Variants in SIVA1 observed in about 807,000 individuals in gnomAD.
SIVA1 encodes apoptosis regulatory protein Siva.
Under a neutral mutation model 19.7 loss-of-function variants are expected in SIVA1, and 10 were observed. That is an observed-to-expected ratio of 0.51 (90% CI 0.31 to 0.86). The LOEUF (loss-of-function observed/expected upper bound fraction) is 0.86, where lower values mean the gene tolerates loss of function less well. Among genes scored for constraint, SIVA1 ranks in the 40% least tolerant of loss-of-function variants. SIVA1 has a pLI of 0.04. For synonymous variants in SIVA1, 130 were observed against 106.1 expected (o/e 1.23, Z -1.39); for missense variants, 241 against 245.2 (o/e 0.98, Z 0.11).
chr14:104,753,373 C>G (rs1307693334), intron 1 of SIVA1, 54 bp downstream of exon 1: 4 of 1,220,600 alleles, frequency 3.3e-6, no homozygotes, highest in Admixed American at 2.1e-5. Flanking sequence ...TGGAACGGGC[C>G]GGGCCTCAGC....
At chr14:104,753,728 C>G (rs1337944294) in intron 1 of SIVA1, 1 of 449,216 alleles carries the variant, frequency 2.2e-6, no homozygotes, top group Non-Finnish European at 4.5e-6. Flanking sequence ...CCCCTCCTGT[C>G]CCAAGAGGTA....
intron 3 of SIVA1, chr14:104,757,293 A>T (rs1318541213): frequency 9.0e-6 from 4 of 443,460 alleles, no homozygotes; most frequent in Admixed American, 4.9e-5. Flanking sequence ...CACCTGGTGG[A>T]TGGGAGTGGA....
At chr14:104,757,420 T>C in intron 3 of SIVA1, 1 of 284,364 alleles carries the variant, frequency 3.5e-6, no homozygotes, top group South Asian at 2.7e-5. Context: ...AAATTGTCCA[T>C]CTAAAATAGA....
At chr14:104,754,561 G>A (rs1303348977) in intron 1 of SIVA1, among the ~76,000 whole-genome samples, 1 of 152,178 alleles carries the variant, frequency 6.6e-6, no homozygotes, top group African/African-American at 2.4e-5. Flanking sequence ...GGCGTTGGCA[G>A]GTGTGTGCCA....
At chr14:104,756,544 G>A (rs940955614) in intron 2 of SIVA1, 60 bp from the exon 3 acceptor site, 36 of 1,601,364 alleles carry the variant, frequency 2.2e-5, no homozygotes, top group African/African-American at 1.9e-4. Context: ...CAGGTAGCCC[G>A]GCAGTCCCGG....
chr14:104,757,394 G>A (rs1361735925), intron 3 of SIVA1: 1 of 323,826 alleles, frequency 3.1e-6, no homozygotes, highest in South Asian at 2.2e-5. Context: ...AGCAAGCTTA[G>A]TCCAAACAAT....
chr14:104,755,932 A>G, intron 2 of SIVA1, 108 bp downstream of exon 2: 1 of 1,067,498 alleles, frequency 9.4e-7, no homozygotes, highest in Admixed American at 2.0e-5. Flanking sequence ...GGTAAGCAGG[A>G]CTCTGACCCA....
At position 104,755,700 on chromosome 14, in the gene SIVA1, C is replaced by G. The variant is rs1132975; in HGVS notation, c.189C>G (p.Ala63=). The G allele has an allele frequency of 1.2e-6, 2 of 1,613,776 alleles. No individual in the cohort carries two copies. Among genetic ancestry groups the G allele is most frequent in the Non-Finnish European group, 1.7e-6 (2 of 1,179,906 alleles). The change falls in exon 2 of 4, where the codon GCC becomes GCG. Residue 63 remains alanine, a synonymous_variant. Transcript: ENST00000329967. ...YLDHVWDEGC[A]VVHLPESPKP... is the part of the protein sequence containing the mutation. ...ACCACGTGTGGGATGAAGGCTGTGCCGTCGTTCACCTGCCAGAGTCCCCAA... is the reference window on the plus strand; with the variant it reads ...ACCACGTGTGGGATGAAGGCTGTGCGGTCGTTCACCTGCCAGAGTCCCCAA...
In SIVA1 at chr14:104,755,648, T is replaced by C; in HGVS notation, c.137T>C (p.Leu46Pro). 6 of 1,612,850 alleles carry C rather than the reference T, an allele frequency of 3.7e-6. No individual in the cohort carries two copies. Among genetic ancestry groups the C allele is most frequent in the Non-Finnish European group, 4.2e-6 (5 of 1,179,760 alleles). The stretch of plus-strand genomic sequence containing the variant: ...CCCCCAGAGAAGACCAAGCGACTCC[T>C]GTTCCTCGGGGCCCAGGCCTACCTG... Reference protein sequence around the residue: ...QEVFEKTKRLLFLGAQAYLDH... With the variant: ...QEVFEKTKRLPFLGAQAYLDH... Residue 46 changes from leucine to proline, a missense_variant, in exon 2 of 4, where the codon CTG (leucine) becomes CCG (proline). Physicochemically the swap from Leu to Pro is moderately conservative, Grantham distance 98. Transcript: ENST00000329967.
In SIVA1 at chr14:104,759,113, C is replaced by A; in HGVS notation, c.471-315C>A. The A allele has an allele frequency of 4.3e-6, 1 of 232,754 alleles. No homozygotes were observed. The allele number at this position is 232,754 out of a possible 1,614,324, so 14.4% of individuals were successfully genotyped here. Reference sequence around the variant, plus strand: ...GCTGCAATGGAAAACCTGTCCTGGCCTCTCTCCTGGCATCTGCTGGTTATC... The same window carrying A: ...GCTGCAATGGAAAACCTGTCCTGGCATCTCTCCTGGCATCTGCTGGTTATC... On this transcript the variant is annotated intron_variant, in intron 3 of 3. Coordinates refer to ENST00000329967, the MANE Select transcript of SIVA1 (RefSeq NM_006427.4). This position sits in a 1 kb window ranked among gnomAD's most constrained non-coding sequence, Gnocchi z 4.2.
rs1891765028 is a variant in SIVA1, at chr14:104,753,236, C to T, written c.35C>T (p.Ala12Val). 1.9e-6 allele frequency: 3 copies of T among 1,588,612 alleles called. No homozygotes were observed. The highest frequency in any genetic ancestry group is 1.4e-5 in the African/African-American group (1 of 73,212). ...PKRSCPFADVAPLQLKVRVSQ... is the reference protein window; with the variant it reads ...PKRSCPFADVVPLQLKVRVSQ... ...CGGAGCTGCCCCTTCGCGGACGTGG[C>T]CCCGCTACAGCTCAAGGTCCGCGTG... is the stretch of plus-strand genomic sequence containing the variant. The change falls in exon 1 of 4, where the codon GCC (alanine) becomes GTC (valine). Residue 12 changes from alanine to valine, a missense_variant. By Grantham distance (64) the Ala-to-Val change is moderately conservative. Transcript: ENST00000329967.
chr14:104,759,566 C>T lies in SIVA1; in HGVS notation c.*81C>T. The T allele has an allele frequency of 2.4e-6, 3 of 1,227,374 alleles. No homozygotes were observed. The highest frequency in any genetic ancestry group is 3.5e-6 in the Non-Finnish European group (3 of 846,666). The allele number at this position is 1,227,374 out of a possible 1,614,324, so 76.0% of individuals were successfully genotyped here. On this transcript the variant is annotated 3_prime_UTR_variant, in exon 4 of 4. Transcript: ENST00000329967. The surrounding 1 kb of genome is among the most constrained non-coding windows in gnomAD (Gnocchi z 4.2). ...CCTGGACGAGCGCTCGGTGTTCACACTGAACTGTGGGGTCGACGGGAGGGG... is the reference window on the plus strand; with the variant it reads ...CCTGGACGAGCGCTCGGTGTTCACATTGAACTGTGGGGTCGACGGGAGGGG...
intron 1 of SIVA1, chr14:104,753,961 G>A (rs975780437): frequency 5.1e-5 from 16 of 313,872 alleles, no homozygotes; most frequent in African/African-American, 2.6e-4. Flanking sequence ...AATCCTGTGG[G>A]GGCGAGTAGG....
intron 3 of SIVA1, chr14:104,758,215 C>G (rs892007273): frequency 1.4e-4 from 22 of 152,342 alleles, no homozygotes; most frequent in Non-Finnish European, 2.9e-4. Flanking sequence ...CTTTGGCGTC[C>G]TGCTGATGGC....
Position 104,756,366 on chromosome 14 carries a change from A to AT in SIVA1, c.314-238_314-237insT. ...GGTAGCAGAGGGACCTGGTAAGGGA[A>AT]AGAGCACTGAACTTGGAGTCAACTA... On this transcript the variant is annotated intron_variant, in intron 2 of 3. Coordinates refer to ENST00000329967, the MANE Select transcript of SIVA1 (RefSeq NM_006427.4). The AT allele has an allele frequency of 6.9e-6, 4 of 581,626 alleles. No individual in the cohort carries two copies. In the South Asian group the frequency reaches 8.0e-5, roughly 12 times the overall value. The allele number at this position is 581,626 out of a possible 1,614,324, so 36.0% of individuals were successfully genotyped here. A position where few individuals can be genotyped will look rare whatever the true frequency, so the allele number is the denominator to read the frequency against.
Position 104,753,332 on chromosome 14 carries a change from C to A in SIVA1, c.118+13C>A. ...CAGGAGGTCTTCGGTGAGTGTCGGG[C>A]GGGCTGCCGAGGGTCCGCTGCGTCG... is the stretch of plus-strand genomic sequence containing the variant. On this transcript the variant is annotated intron_variant, in intron 1 of 3. Coordinates refer to ENST00000329967, the MANE Select transcript of SIVA1 (RefSeq NM_006427.4). The A allele has an allele frequency of 6.4e-7, 1 of 1,567,572 alleles. No homozygotes were observed.
In SIVA1 at chr14:104,753,177, C is replaced by A; in HGVS notation, c.-25C>A. Reference sequence around the variant, plus strand: ...TGGTAAGGGGCTGGCGGCCGGGGAGCTGCGTAGCTCCCGGCCCCGCGGCCA... The same window carrying A: ...TGGTAAGGGGCTGGCGGCCGGGGAGATGCGTAGCTCCCGGCCCCGCGGCCA... On this transcript the variant is annotated 5_prime_UTR_variant, in exon 1 of 4. The change creates a new upstream start codon in the 5' untranslated region. Transcript: ENST00000329967. 6.8e-7 allele frequency: 1 copy of A among 1,461,708 alleles called. No homozygotes were observed. 90.5% of individuals were successfully genotyped at this position (1,461,708 alleles called of 1,614,324 possible).
In SIVA1 at chr14:104,755,680, G is replaced by C. The variant is rs138681592; in HGVS notation, c.169G>C (p.Val57Leu). The C allele has an allele frequency of 1.4e-5, 22 of 1,613,900 alleles. No individual in the cohort carries two copies. Among genetic ancestry groups the C allele is most frequent in the Non-Finnish European group, 1.9e-5 (22 of 1,180,006 alleles). The change falls in exon 2 of 4, where the codon GTG (valine) becomes CTG (leucine). Residue 57 changes from valine (V) to leucine (L), a missense_variant. Val to Leu is a conservative substitution (Grantham distance 32). Coordinates refer to ENST00000329967, the MANE Select transcript of SIVA1 (RefSeq NM_006427.4). ...CGGGGCCCAGGCCTACCTGGACCAC[G>C]TGTGGGATGAAGGCTGTGCCGTCGT... ...FLGAQAYLDH[V>L]WDEGCAVVHL...
chr14:104,756,870 ATGCAGTGCCATC>A, intron 3 of SIVA1, 110 bp downstream of exon 3: 1 of 1,229,742 alleles, frequency 8.1e-7, no homozygotes, highest in Non-Finnish European at 1.1e-6. Flanking sequence ...GTGGCCCCTG[ATGCAGTGCCATC>A]TGGCATTGCC....
Sources: allele counts gnomAD v4.1 joint callset (sites outside exome capture counted in the v4.1 genomes callset), GRCh38; gene constraint gnomAD v4.1.1; non-coding constraint Gnocchi (gnomAD v3.1); transcripts MANE v1.5; gene names NCBI Gene and HGNC (gene_info 2026-07-23, HGNC 2026-07-21).